RALGDS: variants seen among roughly 807,000 people sequenced by gnomAD.
The protein encoded by RALGDS is ral guanine nucleotide dissociation stimulator.
A neutral mutation model predicts 99.8 loss-of-function variants in RALGDS; 44 were observed. The ratio of observed to expected loss-of-function variants is 0.44; its 90% CI spans 0.35 to 0.57. RALGDS has a LOEUF of 0.57. RALGDS is among the 20% of genes least tolerant of loss of function. The pLI is 0.01. For missense variants in RALGDS, 1,022 were observed against 1,203.1 expected (o/e 0.85, Z 2.23); for synonymous variants, 529 against 505.0 (o/e 1.05, Z -0.64).
At chr9:133,141,558 A>AAG (rs34472226) in intron 1 of RALGDS, among the ~76,000 whole-genome samples, 31,340 of 152,098 alleles carry the variant, frequency 0.21, 3,510 homozygotes, top group Middle Eastern at 0.32. Context: ...GCCCAGCAAT[A>AAG]AGCGCTGAGC....
At chr9:133,113,974 G>A (rs1016278671) in intron 1 of RALGDS, among the ~76,000 whole-genome samples, 5 of 152,356 alleles carry the variant, frequency 3.3e-5, no homozygotes, top group African/African-American at 7.2e-5. Context: ...GTGCCTGCTG[G>A]ACAGAGGTGT....
upstream of RALGDS, among the ~76,000 whole-genome samples, chr9:133,123,050 G>A (rs893234080): frequency 1.3e-5 from 2 of 152,134 alleles, no homozygotes; most frequent in African/African-American, 4.8e-5. Context: ...TTTGATTTGG[G>A]ATGGAGATCC....
chr9:133,111,280 T>C (rs1831328014), intron 2 of RALGDS, among the ~76,000 whole-genome samples: 1 of 152,146 alleles, frequency 6.6e-6, no homozygotes. Context: ...ACGCACAGCA[T>C]CTTCCCCGTG....
rs1466276383 is a variant in RALGDS, at chr9:133,102,950, C to T, written c.1792-50G>A. 10 of 1,607,812 alleles carry T rather than the reference C, an allele frequency of 6.2e-6. No homozygotes were observed. In the South Asian group the frequency reaches 7.8e-5, roughly 12 times the overall value. ...CGGTGACAAGGCCCCCCGGGCAGCA[C>T]AGGGGCCAGTCTCTGGGTCTTTGTT... On this transcript the variant is annotated intron_variant, in intron 12 of 17. Transcript: ENST00000372050.
chr9:133,102,216 C>T (rs760680325), intron 14 of RALGDS, 77 bp from the exon 15 acceptor site: 2 of 1,463,712 alleles, frequency 1.4e-6, no homozygotes, highest in Non-Finnish European at 1.9e-6. Context: ...ACCCTGCGCC[C>T]AAGGACTGTG....
At chr9:133,134,805 A>G (rs1259401286), upstream of RALGDS, among the ~76,000 whole-genome samples, 1 of 152,156 alleles carries the variant, frequency 6.6e-6, no homozygotes, top group Non-Finnish European at 1.5e-5. Flanking sequence ...TGCCATGCCA[A>G]TGCGGGTATC....
chr9:133,109,666 AG>A lies in RALGDS; in HGVS notation c.543del (p.Tyr182IlefsTer86). 1 of 1,613,880 alleles carries A rather than the reference AG, an allele frequency of 6.2e-7. No individual in the cohort carries two copies. Among genetic ancestry groups the A allele is most frequent in the Non-Finnish European group, 8.5e-7 (1 of 1,179,954 alleles). ...TASSRYGCIL[P>X]YSDEDGGPQD... ...TGGGGTCCACCATCCTCGTCGGAAT[AG>A]GGGAGGATGCAGCCGTATCTAGAGG... On this transcript the variant is annotated frameshift_variant, in exon 4 of 18. Transcript: ENST00000372050. LOFTEE classifies it high-confidence loss of function.
chr9:133,121,248 C>G, upstream of RALGDS: 1 of 983,160 alleles, frequency 1.0e-6, no homozygotes, highest in Non-Finnish European at 1.2e-6. Flanking sequence ...GCTGTGAGCC[C>G]GCGGCCCGGC....
rs1184532512 is a variant in RALGDS at position 133,101,703 on chromosome 9, G to A, written c.2271C>T (p.Ser757=). 4 of 1,613,966 alleles carry A rather than the reference G, an allele frequency of 2.5e-6. No individual in the cohort carries two copies. Among genetic ancestry groups the A allele is most frequent in the Non-Finnish European group, 3.4e-6 (4 of 1,179,950 alleles). The change falls in exon 16 of 18, where the codon AGC becomes AGT. Residue 757 remains serine, a synonymous_variant. Transcript: ENST00000372050. ...PETSGISSAS[S]STSSSSASTT... ...TGGAGGCTGAGGAGGACGAGGTGCTGCTGGAGGCTGAGCTGATGCCGGAGG... is the reference window on the plus strand; with the variant it reads ...TGGAGGCTGAGGAGGACGAGGTGCTACTGGAGGCTGAGCTGATGCCGGAGG...
intron 1 of RALGDS, among the ~76,000 whole-genome samples, chr9:133,142,139 C>T (rs1243475161): frequency 6.6e-6 from 1 of 152,146 alleles, no homozygotes; most frequent in East Asian, 1.9e-4. Context: ...GGGTGGCTGG[C>T]AGAGTGGGGA....
At chr9:133,117,048 A>G (rs1831643409) in intron 1 of RALGDS, among the ~76,000 whole-genome samples, 1 of 152,214 alleles carries the variant, frequency 6.6e-6, no homozygotes. Flanking sequence ...AAAGGCCTAC[A>G]AGACACCAGG....
Position 133,108,233 on chromosome 9 carries a change from C to A in RALGDS, c.952G>T (p.Ala318Ser), listed in dbSNP as rs1335130922. ...TCTAGTCCCACAGCTGGCTCTGGAG[C>A]CTGCTGGAGCTCCGGAGCTGGTGCT... is the stretch of plus-strand genomic sequence containing the variant. Reference protein sequence around the residue: ...APAPAPELQQAPEPAVGLESA... With the variant: ...APAPAPELQQSPEPAVGLESA... Residue 318 changes from alanine (A) to serine (S), a missense_variant, in exon 6 of 18, where the codon GCT becomes TCT. Physicochemically the swap from Ala to Ser is moderately conservative, Grantham distance 99. Coordinates refer to ENST00000372050, the MANE Select transcript of RALGDS (RefSeq NM_006266.4). The A allele has an allele frequency of 6.2e-7, 1 of 1,610,312 alleles. No individual in the cohort carries two copies.
chr9:133,099,346 A>G (rs1830639521), intron 17 of RALGDS: 1 of 154,170 alleles, frequency 6.5e-6, no homozygotes, highest in South Asian at 2.0e-4. Context: ...TCTAGGCCTC[A>G]GTCTTCCTTT....
At chr9:133,137,452 GGA>G (rs1832445823) in intron 1 of RALGDS, among the ~76,000 whole-genome samples, 1 of 152,246 alleles carries the variant, frequency 6.6e-6, no homozygotes, top group African/African-American at 2.4e-5. Flanking sequence ...AAGATCACCA[GGA>G]GAGCTCCTTG....
intron 5 of RALGDS, 60 bp from the exon 6 acceptor site, chr9:133,108,466 A>C: frequency 6.7e-7 from 1 of 1,492,060 alleles, no homozygotes; most frequent in Middle Eastern, 1.9e-4. Context: ...CCAAAGACAC[A>C]GAACAGCCCC....
In RALGDS at chr9:133,109,717, C is replaced by T. The variant is rs149649229; in HGVS notation, c.493G>A (p.Gly165Ser). 1.7e-4 allele frequency: 281 copies of T among 1,613,018 alleles called. No individual in the cohort carries two copies. The highest frequency in any genetic ancestry group is 4.3e-4 in the African/African-American group (32 of 75,022). ...GAGGCCGTGAGGGCGTCACATCTAC[C>T]GTACCTGCTTATGACGTCTAGTGTT... ...QVLDLLFKRY[G>S]RCDALTASSR... Residue 165 changes from glycine (G) to serine (S), a missense_variant, in exon 4 of 18, where the codon GGT becomes AGT. Gly to Ser is a moderately conservative substitution (Grantham distance 56). Coordinates refer to ENST00000372050, the MANE Select transcript of RALGDS (RefSeq NM_006266.4).
chr9:133,116,905 G>A (rs1460199803), intron 1 of RALGDS, among the ~76,000 whole-genome samples: 1 of 152,242 alleles, frequency 6.6e-6, no homozygotes, highest in African/African-American at 2.4e-5. Context: ...AGCCCCTTGT[G>A]GCACAGATGT....
At position 133,107,280 on chromosome 9, in the gene RALGDS, C is replaced by T. The variant is rs368420692; in HGVS notation, c.1218G>A (p.Val406=). Reference sequence around the variant, plus strand: ...AGATGGAGCCCAGGCAGTGGTAGGGCACCACCTTCTTGAACAGTTCCTGGG... The same window carrying T: ...AGATGGAGCCCAGGCAGTGGTAGGGTACCACCTTCTTGAACAGTTCCTGGG... ...LMDAELFKKV[V]PYHCLGSIWS... Residue 406 remains valine, a synonymous_variant, in exon 7 of 18, where the codon GTG becomes GTA. Transcript: ENST00000372050. The T allele has an allele frequency of 5.8e-5, 94 of 1,613,654 alleles. No homozygotes were observed. In the South Asian group the frequency reaches 7.1e-4, roughly 12 times the overall value.
chr9:133,101,787 G>A lies in RALGDS; in HGVS notation c.2212-25C>T, dbSNP rs1470222546. 5 of 1,581,178 alleles carry A rather than the reference G, an allele frequency of 3.2e-6. No individual in the cohort carries two copies. The African/African-American group carries it at 5.4e-5, about 17-fold the overall frequency. On this transcript the variant is annotated intron_variant, in intron 15 of 17. Coordinates refer to ENST00000372050, the MANE Select transcript of RALGDS (RefSeq NM_006266.4). ...ACTGAGGGAGACGGTAAGATCAGCA[G>A]ATCCCACTGCCCTGTGGGGGCACCC...
Sources: allele counts gnomAD v4.1 joint callset (sites outside exome capture counted in the v4.1 genomes callset), GRCh38; gene constraint gnomAD v4.1.1; transcripts MANE v1.5; gene names NCBI Gene and HGNC (gene_info 2026-07-23, HGNC 2026-07-21).